The following NXPH1 variants were observed in gnomAD, a reference collection of about 807,000 sequenced individuals.
NXPH1 encodes the protein neurexophilin-1.
Under a neutral mutation model 23.7 loss-of-function variants are expected in NXPH1, and 5 were observed. That is an observed-to-expected ratio of 0.21 (90% CI 0.11 to 0.44). The LOEUF is 0.44. NXPH1 is among the 20% of genes least tolerant of loss of function. The pLI is 0.99. For missense variants in NXPH1, 324 were observed against 321.6 expected (o/e 1.01, Z -0.06); for synonymous variants, 144 against 122.2 (o/e 1.18, Z -1.18).
intron 2 of NXPH1, among the ~76,000 whole-genome samples, chr7:8,692,295 C>A (rs148169314): frequency 6.6e-6 from 1 of 152,106 alleles, no homozygotes; most frequent in South Asian, 2.1e-4. Flanking sequence ...TAACCACACA[C>A]GTAAGCCAGA....
chr7:8,697,305 C>G (rs61042346), intron 2 of NXPH1, among the ~76,000 whole-genome samples: 52,328 of 151,964 alleles, frequency 0.34, 10,308 homozygotes, highest in Non-Finnish European at 0.45. Flanking sequence ...GTGACATGAT[C>G]TGGCTTATCC....
rs377548906 is a variant in NXPH1, at chr7:8,481,328, G to T, written c.54+45561G>T. On this transcript the variant is annotated intron_variant, in intron 2 of 2. Coordinates refer to ENST00000405863, the MANE Select transcript of NXPH1 (RefSeq NM_152745.3). ...ATTTCAGAGATACCTACGCAGAGAT[G>T]TCATTTATCTGGTTGCAGTGGTAAT... Among the ~76,000 whole-genome samples the T allele has an allele frequency of 9.8e-5, 15 of 152,292 alleles. No individual in the cohort carries two copies. The South Asian group carries it at 3.1e-3, about 32-fold the overall frequency.
At chr7:8,532,125 GC>G (rs1563337749) in intron 2 of NXPH1, among the ~76,000 whole-genome samples, 1 of 152,004 alleles carries the variant, frequency 6.6e-6, no homozygotes, top group East Asian at 1.9e-4. Context: ...TTTACAACCC[GC>G]TTTAGCTTAC....
At chr7:8,721,003 T>C (rs1316696569) in intron 2 of NXPH1, among the ~76,000 whole-genome samples, 1 of 152,244 alleles carries the variant, frequency 6.6e-6, no homozygotes, top group Non-Finnish European at 1.5e-5. Context: ...GTATTGGATA[T>C]AGATTCTGGA....
intron 2 of NXPH1, among the ~76,000 whole-genome samples, chr7:8,636,255 G>A (rs1444084761): frequency 6.6e-6 from 1 of 152,138 alleles, no homozygotes; most frequent in Non-Finnish European, 1.5e-5. Flanking sequence ...CCCTGTGTTT[G>A]TCTCTGTGTT....
chr7:8,592,401 C>G (rs1819117670), intron 2 of NXPH1, among the ~76,000 whole-genome samples: 1 of 151,906 alleles, frequency 6.6e-6, no homozygotes, highest in Admixed American at 6.6e-5. Context: ...TAAACCGTGC[C>G]CATATTTCCA....
intron 2 of NXPH1, among the ~76,000 whole-genome samples, chr7:8,453,696 G>T (rs1263034294): frequency 6.6e-6 from 1 of 152,048 alleles, no homozygotes; most frequent in Non-Finnish European, 1.5e-5. Context: ...ATATTTGTTG[G>T]TTCACTAAGG....
Position 8,681,890 on chromosome 7 carries a change from G to A in NXPH1, c.55-69118G>A, listed in dbSNP as rs977458. 3.4e-4 allele frequency among the ~76,000 whole-genome samples: 52 copies of A among 152,102 alleles called. No individual in the cohort carries two copies. The South Asian group carries it at 0.01, about 30-fold the overall frequency. Reference sequence around the variant, plus strand: ...AGAAACTTGTCCAGCCCATATGTGCGTCATTTACTGCAGTGAAACTGAGCT... The same window carrying A: ...AGAAACTTGTCCAGCCCATATGTGCATCATTTACTGCAGTGAAACTGAGCT... On this transcript the variant is annotated intron_variant, in intron 2 of 2. Coordinates refer to ENST00000405863, the MANE Select transcript of NXPH1 (RefSeq NM_152745.3).
rs190647307 is a variant in NXPH1 at position 8,632,105 on chromosome 7, T to A, written c.55-118903T>A. Among the ~76,000 whole-genome samples the A allele has an allele frequency of 5.3e-3, 801 of 152,260 alleles. 7 individuals carry two copies. Among genetic ancestry groups the A allele is most frequent in the African/African-American group, 0.018 (756 of 41,556 alleles). ...ATGTCTGCCATTCAGGGAGCGTCCA[T>A]CAGATGGCTGTGGTAACTTGAAAAT... On this transcript the variant is annotated intron_variant, in intron 2 of 2. Coordinates refer to ENST00000405863, the MANE Select transcript of NXPH1 (RefSeq NM_152745.3).
intron 2 of NXPH1, among the ~76,000 whole-genome samples, chr7:8,511,843 A>G (rs1213057145): frequency 2.6e-5 from 4 of 152,126 alleles, no homozygotes; most frequent in Non-Finnish European, 5.9e-5. Flanking sequence ...GGCAGCTTCA[A>G]TAAGACATGG....
chr7:8,652,902 A>G (rs546016758), intron 2 of NXPH1, among the ~76,000 whole-genome samples: 2 of 152,264 alleles, frequency 1.3e-5, no homozygotes, highest in South Asian at 2.1e-4. Context: ...GAACAAGTAC[A>G]ATATTCTTTA....
At chr7:8,554,790 C>T (rs1023927436) in intron 2 of NXPH1, among the ~76,000 whole-genome samples, 11 of 151,568 alleles carry the variant, frequency 7.3e-5, no homozygotes, top group Admixed American at 3.3e-4. Flanking sequence ...AGAACAGTTA[C>T]GTTTGTAACA....
intron 2 of NXPH1, among the ~76,000 whole-genome samples, chr7:8,608,165 T>C (rs1819541952): frequency 6.6e-6 from 1 of 152,200 alleles, no homozygotes; most frequent in Non-Finnish European, 1.5e-5. Flanking sequence ...TACTTTGTTA[T>C]AGCAGCCTGA....
At chr7:8,458,076 C>T (rs938768859) in intron 2 of NXPH1, among the ~76,000 whole-genome samples, 1 of 152,132 alleles carries the variant, frequency 6.6e-6, no homozygotes, top group Non-Finnish European at 1.5e-5. Flanking sequence ...AAAATAAATG[C>T]TATTCCATAA....
intron 2 of NXPH1, among the ~76,000 whole-genome samples, chr7:8,673,783 T>C (rs1423791809): frequency 1.3e-5 from 2 of 152,156 alleles, no homozygotes; most frequent in Non-Finnish European, 2.9e-5. Context: ...GCTATCATTA[T>C]TAGTAGTAGT....
chr7:8,676,223 T>A (rs1466665367), intron 2 of NXPH1, among the ~76,000 whole-genome samples: 1 of 152,222 alleles, frequency 6.6e-6, no homozygotes, highest in South Asian at 2.1e-4. Context: ...CTAAGATGTG[T>A]GTTATCCTAA....
intron 2 of NXPH1, among the ~76,000 whole-genome samples, chr7:8,728,101 T>C (rs917882685): frequency 4.0e-5 from 6 of 151,582 alleles, no homozygotes; most frequent in Admixed American, 3.3e-4. Flanking sequence ...TTTGAAGCAA[T>C]TGTGAATGGG....
chr7:8,586,624 T>A (rs1215250180), intron 2 of NXPH1, among the ~76,000 whole-genome samples: 1 of 148,560 alleles, frequency 6.7e-6, no homozygotes, highest in African/African-American at 2.5e-5. Flanking sequence ...AAGAGAATAA[T>A]GAATATATAT....
At chr7:8,720,963 T>C (rs1168614571) in intron 2 of NXPH1, among the ~76,000 whole-genome samples, 1 of 152,220 alleles carries the variant, frequency 6.6e-6, no homozygotes, top group African/African-American at 2.4e-5. Context: ...AGCTGTAGAG[T>C]CATGACAACT....
Sources: allele counts gnomAD v4.1 joint callset (sites outside exome capture counted in the v4.1 genomes callset), GRCh38; gene constraint gnomAD v4.1.1; transcripts MANE v1.5; gene names NCBI Gene and HGNC (gene_info 2026-07-23, HGNC 2026-07-21).